The following SLCO3A1 variants were observed in gnomAD, a reference collection of about 807,000 sequenced individuals.
SLCO3A1 encodes PGE1 transporter.
In SLCO3A1, 27 loss-of-function variants were observed where a neutral mutation model predicts 63.1. That is an observed-to-expected ratio of 0.43 (90% confidence interval 0.32 to 0.59). The LOEUF (loss-of-function observed/expected upper bound fraction) is 0.59, where lower values mean the gene tolerates loss of function less well. Among genes scored for constraint, SLCO3A1 ranks in the 20% least tolerant of loss-of-function variants. SLCO3A1 has a pLI of 0.09. For synonymous variants in SLCO3A1, 473 were observed against 409.9 expected (o/e 1.15, Z -1.86); for missense variants, 773 against 945.8 (o/e 0.82, Z 2.40).
rs141359052 is a variant in SLCO3A1, at chr15:91,966,934, C to A, written c.646+50476C>A. Reference sequence around the variant, plus strand: ...AATTATGTTGTGTGGCATTTTACTTCCAAAGGGCAGCTTTGGTCATGGAGG... The same window carrying A: ...AATTATGTTGTGTGGCATTTTACTTACAAAGGGCAGCTTTGGTCATGGAGG... On this transcript the variant is annotated intron_variant, in intron 2 of 9. Coordinates refer to ENST00000318445, the MANE Select transcript of SLCO3A1 (RefSeq NM_013272.4). Among the ~76,000 whole-genome samples, 186 of 152,138 alleles carry A rather than the reference C, an allele frequency of 1.2e-3. 2 individuals are homozygous for A. Among genetic ancestry groups the A allele is most frequent in the African/African-American group, 4.2e-3 (175 of 41,524 alleles).
At chr15:92,109,986 T>A (rs980375682) in intron 4 of SLCO3A1, among the ~76,000 whole-genome samples, 1 of 152,122 alleles carries the variant, frequency 6.6e-6, no homozygotes, top group African/African-American at 2.4e-5. Context: ...CTGTAAGGGT[T>A]CACTAAATTG....
Position 92,164,370 on chromosome 15 carries a change from C to G in SLCO3A1, c.*1235C>G. 4 of 985,388 alleles carry G rather than the reference C, an allele frequency of 4.1e-6. No homozygotes were observed. Among genetic ancestry groups the G allele is most frequent in the Non-Finnish European group, 4.8e-6 (4 of 829,910 alleles). The allele number at this position is 985,388 out of a possible 1,614,324, so 61.0% of individuals were successfully genotyped here. A position where few individuals can be genotyped will look rare whatever the true frequency, so the allele number is the denominator to read the frequency against. The stretch of plus-strand genomic sequence containing the variant: ...ATGCAGCCTGCCTTTAAAAGAATCA[C>G]ATTTGAGACAACAGGGGATAATGTG... On this transcript the variant is annotated 3_prime_UTR_variant, in exon 10 of 10. Coordinates refer to ENST00000318445, the MANE Select transcript of SLCO3A1 (RefSeq NM_013272.4).
chr15:92,020,668 A>G (rs1455841711), intron 2 of SLCO3A1, among the ~76,000 whole-genome samples: 1 of 152,210 alleles, frequency 6.6e-6, no homozygotes, highest in Admixed American at 6.5e-5. Context: ...GCACTCCCCT[A>G]CAGAGAGAAA....
chr15:91,921,723 C>CTTTTTTTT (rs10708454), intron 2 of SLCO3A1, among the ~76,000 whole-genome samples: 3 of 144,968 alleles, frequency 2.1e-5, no homozygotes, highest in Non-Finnish European at 4.5e-5. Flanking sequence ...TCAGATTTCT[C>CTTTTTTTT]TTTTTTTTTT....
At chr15:91,867,595 T>C (rs189210402) in intron 1 of SLCO3A1, among the ~76,000 whole-genome samples, 2 of 152,284 alleles carry the variant, frequency 1.3e-5, no homozygotes, top group Admixed American at 1.3e-4. Context: ...CAGAACAAAC[T>C]GTGTTCACAC....
At chr15:91,939,814 A>G (rs1255242499) in intron 2 of SLCO3A1, among the ~76,000 whole-genome samples, 2 of 152,108 alleles carry the variant, frequency 1.3e-5, no homozygotes, top group East Asian at 3.9e-4. Context: ...CGTAGCTCAC[A>G]GGGTGCTGCT....
intron 7 of SLCO3A1, among the ~76,000 whole-genome samples, chr15:92,131,364 C>CTT (rs1176368440): frequency 0.026 from 3,277 of 127,066 alleles, 334 homozygotes; most frequent in African/African-American, 0.092. Flanking sequence ...CCTCCCACCT[C>CTT]TTTTTTTTTT....
intron 7 of SLCO3A1, among the ~76,000 whole-genome samples, chr15:92,129,318 C>T (rs896866865): frequency 2.0e-5 from 3 of 152,158 alleles, no homozygotes; most frequent in Non-Finnish European, 2.9e-5. Context: ...CTAGGTGCCA[C>T]GTGTCTTCAG....
At chr15:92,141,990 G>A (rs753417361) in intron 7 of SLCO3A1, among the ~76,000 whole-genome samples, 6 of 152,182 alleles carry the variant, frequency 3.9e-5, no homozygotes, top group Admixed American at 2.6e-4. Flanking sequence ...TTGACTCATT[G>A]GATGGAAAAG....
intron 2 of SLCO3A1, among the ~76,000 whole-genome samples, chr15:91,928,340 G>A (rs183278523): frequency 6.6e-6 from 1 of 152,182 alleles, no homozygotes; most frequent in African/African-American, 2.4e-5. Context: ...CAAGGAGATA[G>A]AGGCTGTTAT....
intron 2 of SLCO3A1, among the ~76,000 whole-genome samples, chr15:91,991,325 C>T (rs1198169599): frequency 6.6e-6 from 1 of 152,088 alleles, no homozygotes; most frequent in Non-Finnish European, 1.5e-5. Flanking sequence ...GGCACTACTG[C>T]ACTCTAGTGT....
chr15:92,062,779 C>T (rs1445358919), intron 2 of SLCO3A1, among the ~76,000 whole-genome samples: 1 of 152,156 alleles, frequency 6.6e-6, no homozygotes, highest in Admixed American at 6.5e-5. Context: ...TGGGTGTTAT[C>T]ATTGTGGTCC....
At chr15:92,034,152 G>T (rs13329180) in intron 2 of SLCO3A1, among the ~76,000 whole-genome samples, 3 of 151,596 alleles carry the variant, frequency 2.0e-5, no homozygotes, top group African/African-American at 4.8e-5. Context: ...GAAAGTGGGG[G>T]CTGTATGCAG....
chr15:92,064,347 T>A (rs1199148721), intron 2 of SLCO3A1, among the ~76,000 whole-genome samples: 1 of 152,260 alleles, frequency 6.6e-6, no homozygotes, highest in East Asian at 1.9e-4. Flanking sequence ...ATTAATCCTT[T>A]GTCAGATGAA....
chr15:92,164,077 T>C lies in SLCO3A1; in HGVS notation c.*942T>C. On this transcript the variant is annotated 3_prime_UTR_variant, in exon 10 of 10. Coordinates refer to ENST00000318445, the MANE Select transcript of SLCO3A1 (RefSeq NM_013272.4). The stretch of plus-strand genomic sequence containing the variant: ...TCCATATGAATTTCAAACTGTTGTA[T>C]GTATAATCCTCTAATACTATTTTTA... 1.0e-6 allele frequency: 1 copy of C among 981,652 alleles called. No homozygotes were observed. Among genetic ancestry groups the C allele is most frequent in the South Asian group, 4.7e-5 (1 of 21,236 alleles). The allele number at this position is 981,652 out of a possible 1,614,324, so 60.8% of individuals were successfully genotyped here.
At chr15:92,115,460 A>G (rs966259149) in intron 4 of SLCO3A1, among the ~76,000 whole-genome samples, 5 of 152,182 alleles carry the variant, frequency 3.3e-5, no homozygotes, top group Non-Finnish European at 7.3e-5. Context: ...GGTTTCCTCC[A>G]TGACTTGACC....
rs1355695328 is a variant in SLCO3A1 at position 91,886,671 on chromosome 15, G to T, written c.181-29322G>T. Among the ~76,000 whole-genome samples, 2 of 152,128 alleles carry T rather than the reference G, an allele frequency of 1.3e-5. No individual in the cohort carries two copies. The highest frequency in any genetic ancestry group is 3.8e-4 in the East Asian group (2 of 5,200). The stretch of plus-strand genomic sequence containing the variant: ...TGCATCCAATGTCCTTATCTCTCAG[G>T]CTTTGCTTTCAAGACTTCACACTGA... On this transcript the variant is annotated intron_variant, in intron 1 of 9. Coordinates refer to ENST00000318445, the MANE Select transcript of SLCO3A1 (RefSeq NM_013272.4). The surrounding 1 kb of genome is among the most constrained non-coding windows in gnomAD (Gnocchi z 4.9).
chr15:92,036,809 A>ATT (rs2046733364), intron 2 of SLCO3A1, among the ~76,000 whole-genome samples: 1 of 151,996 alleles, frequency 6.6e-6, no homozygotes, highest in Non-Finnish European at 1.5e-5. Flanking sequence ...TGGTAATTAC[A>ATT]TTTTTCCTTC....
chr15:91,969,362 G>A lies in SLCO3A1; in HGVS notation c.646+52904G>A, dbSNP rs138449256. On this transcript the variant is annotated intron_variant, in intron 2 of 9. Transcript: ENST00000318445. ...ACTCTGTTGCCCAGGCTGGATTGCA[G>A]TGGCACAATCTTGGCTCACTGCAAC... 2.1e-3 allele frequency among the ~76,000 whole-genome samples: 324 copies of A among 151,408 alleles called. 1 individual carries two copies. Among genetic ancestry groups the A allele is most frequent in the African/African-American group, 6.9e-3 (284 of 41,224 alleles).
Sources: gnomAD v4.1 joint callset for allele counts (sites outside exome capture counted in the v4.1 genomes callset) on GRCh38, gnomAD v4.1.1 for gene constraint, Gnocchi (gnomAD v3.1) non-coding constraint, MANE v1.5 for transcripts, NCBI Gene and HGNC (gene_info 2026-07-23, HGNC 2026-07-21) for gene names.